RAB34: variants seen among roughly 807,000 people sequenced by gnomAD.
RAB34 encodes ras-related protein Rab-34.
In RAB34, 33 loss-of-function variants were observed where a neutral mutation model predicts 39.0. The ratio of observed to expected loss-of-function variants is 0.85; its 90% CI spans 0.64 to 1.13. RAB34 has a LOEUF of 1.13. Ranked by LOEUF, RAB34 falls within the 50% of genes most tolerant of loss-of-function variation. RAB34 has a pLI of 0.00. For synonymous variants in RAB34, 135 were observed against 125.1 expected (o/e 1.08, Z -0.53); for missense variants, 289 against 326.1 (o/e 0.89, Z 0.88).
chr17:28,714,363 C>T lies in RAB34; in HGVS notation c.*280G>A. 1 of 608,608 alleles carries T rather than the reference C, an allele frequency of 1.6e-6. No homozygotes were observed. The highest frequency in any genetic ancestry group is 2.9e-6 in the Non-Finnish European group (1 of 342,044). 37.7% of individuals were successfully genotyped at this position (608,608 alleles called of 1,614,324 possible). A position where few individuals can be genotyped will look rare whatever the true frequency, so the allele number is the denominator to read the frequency against. Reference sequence around the variant, plus strand: ...TAAGCATCCTCAAACACAAAGGGCCCAGCAGGCTGAGCAAAAGAACAGAGA... The same window carrying T: ...TAAGCATCCTCAAACACAAAGGGCCTAGCAGGCTGAGCAAAAGAACAGAGA... On this transcript the variant is annotated 3_prime_UTR_variant, in exon 10 of 10. Transcript: ENST00000395245.
intron 3 of RAB34, 29 bp from the exon 4 acceptor site, chr17:28,715,930 G>A (rs781604155): frequency 1.2e-6 from 2 of 1,612,248 alleles, no homozygotes; most frequent in Non-Finnish European, 1.7e-6. Context: ...CTGTGATCTG[G>A]AGCCAGCCCA....
Position 28,715,538 on chromosome 17 carries a change from G to C in RAB34, c.380-31C>G, listed in dbSNP as rs767838291. 1.9e-6 allele frequency: 3 copies of C among 1,613,996 alleles called. No individual in the cohort carries two copies. In the South Asian group the frequency reaches 3.3e-5, roughly 18 times the overall value. On this transcript the variant is annotated intron_variant, in intron 5 of 9. Coordinates refer to ENST00000395245, the MANE Select transcript of RAB34 (RefSeq NM_031934.6). ...AGAGTGGCAGAAACAGCCCCAGGTT[G>C]ACAGGGAAGACACTACTGCTCATTT...
At chr17:28,716,409 A>C (rs952086474) in intron 2 of RAB34, 1 of 307,376 alleles carries the variant, frequency 3.3e-6, no homozygotes, top group Non-Finnish European at 6.1e-6. Flanking sequence ...CTATATTCTA[A>C]GACACCCTCC....
At chr17:28,716,847 A>G in intron 2 of RAB34, 56 bp downstream of exon 2, 2 of 1,569,728 alleles carry the variant, frequency 1.3e-6, no homozygotes, top group Non-Finnish European at 1.7e-6. Flanking sequence ...TACCCTCGCT[A>G]TGACTACAGA....
chr17:28,714,815 A>G lies in RAB34; in HGVS notation c.690T>C (p.Ala230=). Residue 230 remains alanine, a synonymous_variant, in exon 9 of 10, where the codon GCT becomes GCC. Coordinates refer to ENST00000395245, the MANE Select transcript of RAB34 (RefSeq NM_031934.6). ...CACGGACAACATCCCCAATGCGTCG[A>G]GCCCCCGATTTCTCCAGCTCAGCCA... The part of the protein sequence containing the change: ...NVLAELEKSG[A]RRIGDVVRIN... 1 of 1,614,118 alleles carries G rather than the reference A, an allele frequency of 6.2e-7. No homozygotes were observed. Among genetic ancestry groups the G allele is most frequent in the Non-Finnish European group, 8.5e-7 (1 of 1,180,032 alleles).
At chr17:28,716,100 C>T (rs2033386107) in intron 2 of RAB34, 42 bp from the exon 3 acceptor site, 1 of 1,612,522 alleles carries the variant, frequency 6.2e-7, no homozygotes, top group Admixed American at 1.7e-5. Context: ...GGCACGAGCT[C>T]TTTCACCCTA....
chr17:28,718,275 GC>G (rs1423433938), upstream of RAB34: 1 of 1,536,392 alleles, frequency 6.5e-7, no homozygotes. Flanking sequence ...CATAGAGTCT[GC>G]CCCCTCTCGC....
At chr17:28,716,113 G>A in intron 2 of RAB34, 55 bp from the exon 3 acceptor site, 1 of 1,611,262 alleles carries the variant, frequency 6.2e-7, no homozygotes, top group Non-Finnish European at 8.5e-7. Context: ...TCACCCTAGG[G>A]AGTTCCAATG....
At chr17:28,717,923 G>T, upstream of RAB34, 5 of 1,338,692 alleles carry the variant, frequency 3.7e-6, no homozygotes, top group Non-Finnish European at 4.8e-6. Flanking sequence ...CTCTCCTGGC[G>T]GCTCCAGGCC....
In RAB34 at chr17:28,717,322, A is replaced by C; in HGVS notation, c.-56T>G. The stretch of plus-strand genomic sequence containing the variant: ...AAGGCGCCGAGGCCGGATCCGCGTC[A>C]GCGACCCGGGCGCGTGGAGACCCGA... On this transcript the variant is annotated 5_prime_UTR_variant, in exon 1 of 10. Transcript: ENST00000395245. 1 of 1,547,236 alleles carries C rather than the reference A, an allele frequency of 6.5e-7. No homozygotes were observed. Among genetic ancestry groups the C allele is most frequent in the South Asian group, 1.2e-5 (1 of 85,094 alleles).
rs1478151800 is a variant in RAB34 at position 28,714,720 on chromosome 17, G to T, written c.713-10C>A. 1.9e-6 allele frequency: 3 copies of T among 1,613,986 alleles called. No individual in the cohort carries two copies. Among genetic ancestry groups the T allele is most frequent in the Non-Finnish European group, 2.5e-6 (3 of 1,180,034 alleles). ...TCATCACTGTTGATGCCTAAAGAAG[G>T]GTGGAAAATATGTGAAGCAGGGATT... is the stretch of plus-strand genomic sequence containing the variant. On this transcript the variant is annotated splice_polypyrimidine_tract_variant and intron_variant, in intron 9 of 9. Transcript: ENST00000395245.
intron 3 of RAB34, 40 bp downstream of exon 3, chr17:28,715,953 T>C: frequency 1.2e-6 from 2 of 1,613,606 alleles, no homozygotes; most frequent in Non-Finnish European, 1.7e-6. Context: ...TGGCTAGGCT[T>C]GGCCCCACCC....
Position 28,717,713 on chromosome 17 carries a change from G to C in RAB34, c.-447C>G, listed in dbSNP as rs1008459076. 1.5e-6 allele frequency: 2 copies of C among 1,335,352 alleles called. No individual in the cohort carries two copies. The highest frequency in any genetic ancestry group is 3.7e-5 in the Admixed American group (1 of 27,008). The allele number at this position is 1,335,352 out of a possible 1,614,324, so 82.7% of individuals were successfully genotyped here. ...GGGCTGAGGCTGCCCTACCATTACA[G>C]AGCGGCCCGGGGGCGCGGAGCGGCC... On this transcript the variant is annotated 5_prime_UTR_variant, in exon 1 of 10. Coordinates refer to ENST00000395245, the MANE Select transcript of RAB34 (RefSeq NM_031934.6).
At chr17:28,717,132 C>A (rs1180104676) in intron 1 of RAB34, 81 bp downstream of exon 1, 5 of 1,538,788 alleles carry the variant, frequency 3.2e-6, no homozygotes, top group Non-Finnish European at 4.4e-6. Flanking sequence ...TGGGCCCAGT[C>A]CTCTAACTGG....
upstream of RAB34, chr17:28,718,025 C>T (rs797003245): frequency 5.2e-6 from 7 of 1,348,238 alleles, no homozygotes; most frequent in African/African-American, 6.2e-5. Flanking sequence ...GCACCAGGAC[C>T]GCCCCGACCC....
chr17:28,716,278 C>T (rs1001110218), intron 2 of RAB34: 2 of 590,740 alleles, frequency 3.4e-6, no homozygotes, highest in African/African-American at 3.7e-5. Context: ...AGCTCTCACA[C>T]TGATTAGCTG....
At position 28,714,301 on chromosome 17, in the gene RAB34, T is replaced by C; in HGVS notation, c.*342A>G. ...CCCCAAAGTGCTCGTAACAAAGAAA[T>C]TTTAATGCATAAGGCACAGTGAGAG... On this transcript the variant is annotated 3_prime_UTR_variant, in exon 10 of 10. Coordinates refer to ENST00000395245, the MANE Select transcript of RAB34 (RefSeq NM_031934.6). 2 of 550,798 alleles carry C rather than the reference T, an allele frequency of 3.6e-6. No homozygotes were observed. The highest frequency in any genetic ancestry group is 6.1e-5 in the East Asian group (2 of 32,766). 34.1% of individuals were successfully genotyped at this position (550,798 alleles called of 1,614,324 possible).
At chr17:28,718,294 C>T (rs772453510), upstream of RAB34, 6 of 1,524,808 alleles carry the variant, frequency 3.9e-6, no homozygotes, top group African/African-American at 7.1e-5. Flanking sequence ...CGCCCTTCTG[C>T]CCTGGGAGGT....
At chr17:28,716,337 TTTAAG>T (rs1199315824) in intron 2 of RAB34, 1 of 458,406 alleles carries the variant, frequency 2.2e-6, no homozygotes, top group Admixed American at 3.8e-5. Context: ...AGTTTAAACA[TTTAAG>T]TAAAGTTAGT....
Sources: allele counts gnomAD v4.1 joint callset, GRCh38; gene constraint gnomAD v4.1.1; transcripts MANE v1.5; gene names NCBI Gene and HGNC (gene_info 2026-07-23, HGNC 2026-07-21).